Variants in ZNF493 observed in about 807,000 individuals in gnomAD.
ZNF493 encodes zinc finger protein 493.
In ZNF493, 11 loss-of-function variants were observed where a neutral mutation model predicts 12.2. The ratio of observed to expected loss-of-function variants is 0.90; its 90% confidence interval spans 0.57 to 1.50. The LOEUF is 1.50. ZNF493 is among the 40% of genes most tolerant of loss of function. The pLI is 0.00. For synonymous variants in ZNF493, 286 were observed against 302.6 expected (o/e 0.95, Z 0.57); for missense variants, 950 against 906.6 (o/e 1.05, Z -0.61).
In ZNF493 at chr19:21,397,498, T is replaced by A. The variant is rs567799125; in HGVS notation, c.30+231T>A. ...CCCTGCACTGTGACTGTGCCCTGCCTGGAGTCCTCTCTGGCAGTTCTGCAC... is the reference window on the plus strand; with the variant it reads ...CCCTGCACTGTGACTGTGCCCTGCCAGGAGTCCTCTCTGGCAGTTCTGCAC... On this transcript the variant is annotated intron_variant, in intron 1 of 3. Coordinates refer to ENST00000392288, the MANE Select transcript of ZNF493 (RefSeq NM_001076678.3). 1.5e-3 allele frequency: 927 copies of A among 618,646 alleles called. 11 individuals carry two copies. The African/African-American group carries it at 0.015, about 10-fold the overall frequency. The allele number at this position is 618,646 out of a possible 1,614,324, so 38.3% of individuals were successfully genotyped here.
At chr19:21,408,517 A>G in intron 3 of ZNF493, 1 of 984,198 alleles carries the variant, frequency 1.0e-6, no homozygotes, top group South Asian at 4.7e-5. Context: ...TTTTACTGCC[A>G]ATTTTTCAAA....
chr19:21,408,352 A>T, intron 3 of ZNF493: 1 of 791,994 alleles, frequency 1.3e-6, no homozygotes, highest in Non-Finnish European at 1.5e-6. Context: ...TGGGTCTCGA[A>T]CTCCTGACCT....
chr19:21,405,745 A>G lies in ZNF493; in HGVS notation c.158-16A>G, dbSNP rs377081659. 3 of 1,602,000 alleles carry G rather than the reference A, an allele frequency of 1.9e-6. No homozygotes were observed. The highest frequency in any genetic ancestry group is 2.6e-6 in the Non-Finnish European group (3 of 1,171,190). Reference sequence around the variant, plus strand: ...AATATGAGCAAGATTCATGTTATTTATTTTTAATAAAGCAGGTATTGCTGT... The same window carrying G: ...AATATGAGCAAGATTCATGTTATTTGTTTTTAATAAAGCAGGTATTGCTGT... On this transcript the variant is annotated splice_polypyrimidine_tract_variant and intron_variant, in intron 2 of 3. Coordinates refer to ENST00000392288, the MANE Select transcript of ZNF493 (RefSeq NM_001076678.3).
rs149740497 is a variant in ZNF493, at chr19:21,417,061, A to G, written c.254-5852A>G. On this transcript the variant is annotated intron_variant, in intron 3 of 3. Transcript: ENST00000392288. ...GCCTGAGCTGGAAATGCCCCAGTTT[A>G]GAACGGGGCCTGAGACAGGCCCCTC... Among the ~76,000 whole-genome samples, 720 of 152,306 alleles carry G rather than the reference A, an allele frequency of 4.7e-3. 11 individuals are homozygous for G. The highest frequency in any genetic ancestry group is 0.017 in the African/African-American group (696 of 41,576).
intron 1 of ZNF493, 88 bp downstream of exon 1, chr19:21,397,355 C>G: frequency 6.8e-7 from 1 of 1,460,920 alleles, no homozygotes; most frequent in Non-Finnish European, 9.6e-7. Flanking sequence ...TCAGGCCTCC[C>G]CGCAGTCAGC....
At position 21,424,899 on chromosome 19, in the gene ZNF493, G is replaced by A. The variant is rs888710780; in HGVS notation, c.2240G>A (p.Gly747Asp). Residue 747 changes from glycine to aspartate, a missense_variant, in exon 4 of 4, where the codon GGC (glycine) becomes GAC (aspartate). Transcript: ENST00000392288. ...AAACCCTACAAATGTGAAGCATGTG[G>A]CAAAGCTTTTAGGCGGTCTTCACAT... ...GDKPYKCEAC[G>D]KAFRRSSHLS... 5.6e-6 allele frequency: 9 copies of A among 1,613,052 alleles called. No individual in the cohort carries two copies. The highest frequency in any genetic ancestry group is 1.7e-5 in the Admixed American group (1 of 59,902).
chr19:21,427,448 A>G lies in ZNF493; in HGVS notation c.*2464A>G, dbSNP rs941181355. 5.9e-5 allele frequency: 9 copies of G among 151,442 alleles called. No homozygotes were observed. Among genetic ancestry groups the G allele is most frequent in the Non-Finnish European group, 1.0e-4 (7 of 67,854 alleles). 9.4% of individuals were successfully genotyped at this position (151,442 alleles called of 1,614,324 possible). On this transcript the variant is annotated 3_prime_UTR_variant, in exon 4 of 4. Transcript: ENST00000392288. ...ATGCTATCCGTCCCCCCTCCCCCCA[A>G]TTGTACTTTTATATAATAAAATGCA...
At chr19:21,416,352 TAATA>T (rs1054736428) in intron 3 of ZNF493, among the ~76,000 whole-genome samples, 69 of 152,344 alleles carry the variant, frequency 4.5e-4, no homozygotes, top group African/African-American at 1.6e-3. Flanking sequence ...CCCATTGTTG[TAATA>T]AATCTCTTCC....
chr19:21,399,412 G>A (rs8105404), intron 1 of ZNF493, among the ~76,000 whole-genome samples: 28,793 of 151,516 alleles, frequency 0.19, 2,950 homozygotes, highest in Non-Finnish European at 0.24. Flanking sequence ...CATCCGCCTC[G>A]GCCTCCCAAA....
At chr19:21,399,946 A>G (rs923493235) in intron 1 of ZNF493, among the ~76,000 whole-genome samples, 4 of 152,126 alleles carry the variant, frequency 2.6e-5, no homozygotes, top group African/African-American at 7.2e-5. Flanking sequence ...AAATCCTGTT[A>G]TCTTGATTTG....
intron 3 of ZNF493, chr19:21,413,416 A>G (rs2030387136): frequency 2.5e-6 from 1 of 407,432 alleles, no homozygotes; most frequent in South Asian, 1.1e-4. Flanking sequence ...AACTGCTATC[A>G]TAGCTACCAT....
At chr19:21,408,849 T>C (rs2145278774) in intron 3 of ZNF493, 1 of 965,870 alleles carries the variant, frequency 1.0e-6, no homozygotes, top group East Asian at 1.1e-4. Context: ...ATATTGGTTA[T>C]GGCTTATCTT....
chr19:21,423,056 A>G lies in ZNF493; in HGVS notation c.397A>G (p.Asn133Asp). Residue 133 changes from asparagine (N) to aspartate (D), a missense_variant, in exon 4 of 4, where the codon AAT becomes GAT. Physicochemically the swap from Asn to Asp is conservative, Grantham distance 23. Transcript: ENST00000392288. ...RKGCKSMNEC[N>D]VHKEGYNELN... ...AGGATGTAAAAGTATGAATGAGTGT[A>G]ATGTGCACAAAGAAGGTTATAATGA... The G allele has an allele frequency of 6.2e-7, 1 of 1,613,710 alleles. No individual in the cohort carries two copies. Among genetic ancestry groups the G allele is most frequent in the South Asian group, 1.1e-5 (1 of 90,994 alleles).
At position 21,426,737 on chromosome 19, in the gene ZNF493, A is replaced by G. The variant is rs898429093; in HGVS notation, c.*1753A>G. On this transcript the variant is annotated 3_prime_UTR_variant, in exon 4 of 4. Coordinates refer to ENST00000392288, the MANE Select transcript of ZNF493 (RefSeq NM_001076678.3). ...TACGAAAATATATTTTCAAAGGTGTAGTAAAAATAAAAAAAATTTTAATCC... is the reference window on the plus strand; with the variant it reads ...TACGAAAATATATTTTCAAAGGTGTGGTAAAAATAAAAAAAATTTTAATCC... The G allele has an allele frequency of 1.2e-5, 2 of 166,988 alleles. No homozygotes were observed. The highest frequency in any genetic ancestry group is 2.9e-5 in the Non-Finnish European group (2 of 68,078). 10.3% of individuals were successfully genotyped at this position (166,988 alleles called of 1,614,324 possible).
In ZNF493 at chr19:21,424,915, G is replaced by T; in HGVS notation, c.2256G>T (p.Arg752=). ...KCEACGKAFR[R]SSHLSRHKII... is the part of the protein sequence containing the mutation. ...AAGCATGTGGCAAAGCTTTTAGGCGGTCTTCACATCTTAGTAGACATAAGA... is the reference window on the plus strand; with the variant it reads ...AAGCATGTGGCAAAGCTTTTAGGCGTTCTTCACATCTTAGTAGACATAAGA... The change falls in exon 4 of 4, where the codon CGG becomes CGT. Residue 752 remains arginine (R), a synonymous_variant. Transcript: ENST00000392288. The T allele has an allele frequency of 1.2e-6, 2 of 1,612,164 alleles. No individual in the cohort carries two copies. Among genetic ancestry groups the T allele is most frequent in the South Asian group, 2.2e-5 (2 of 90,882 alleles).
At position 21,418,569 on chromosome 19, in the gene ZNF493, C is replaced by T. The variant is rs187446198; in HGVS notation, c.254-4344C>T. On this transcript the variant is annotated intron_variant, in intron 3 of 3. Coordinates refer to ENST00000392288, the MANE Select transcript of ZNF493 (RefSeq NM_001076678.3). The stretch of plus-strand genomic sequence containing the variant: ...CTCGGTCAGGGAGACCCTAACCCAG[C>T]GGCACTAGAGGAATTAAAGACACAC... 6.0e-4 allele frequency among the ~76,000 whole-genome samples: 92 copies of T among 152,192 alleles called. 1 individual carries two copies. In the East Asian group the frequency reaches 0.015, roughly 24 times the overall value.
At position 21,405,180 on chromosome 19, in the gene ZNF493, C is replaced by A; in HGVS notation, c.82C>A (p.Gln28Lys). The change falls in exon 2 of 4, where the codon CAA becomes AAA. Residue 28 changes from glutamine (Q) to lysine (K), a missense_variant. Physicochemically the swap from Gln to Lys is moderately conservative, Grantham distance 53 (BLOSUM62 1). Transcript: ENST00000392288. ...CATAGAATTCTCTCTGGAGGAGTGGCAATGCCTGGACACTGCTCAGCAGGA... is the reference window on the plus strand; with the variant it reads ...CATAGAATTCTCTCTGGAGGAGTGGAAATGCCTGGACACTGCTCAGCAGGA... ...VAIEFSLEEW[Q>K]CLDTAQQDLY... The A allele has an allele frequency of 6.2e-7, 1 of 1,613,892 alleles. No individual in the cohort carries two copies.
intron 3 of ZNF493, among the ~76,000 whole-genome samples, chr19:21,415,133 C>G (rs2030441737): frequency 6.6e-6 from 1 of 152,156 alleles, no homozygotes; most frequent in South Asian, 2.1e-4. Flanking sequence ...AGCCACTCTA[C>G]TAAGTCCTGT....
chr19:21,420,973 C>A (rs963879773), intron 3 of ZNF493, among the ~76,000 whole-genome samples: 1 of 151,874 alleles, frequency 6.6e-6, no homozygotes, highest in Non-Finnish European at 1.5e-5. Flanking sequence ...GTCTTGAACT[C>A]CCGACCTCAG....
Sources: gnomAD v4.1 joint callset for allele counts (sites outside exome capture counted in the v4.1 genomes callset) on GRCh38, gnomAD v4.1.1 for gene constraint, MANE v1.5 for transcripts, NCBI Gene and HGNC (gene_info 2026-07-23, HGNC 2026-07-21) for gene names.